The following SMG5 variants were observed in gnomAD, a reference collection of about 807,000 sequenced individuals.
SMG5 encodes the protein nonsense-mediated mRNA decay factor SMG5.
Under a neutral mutation model 122.9 loss-of-function variants are expected in SMG5, and 53 were observed. The ratio of observed to expected loss-of-function variants is 0.43; its 90% confidence interval spans 0.35 to 0.54. The LOEUF (loss-of-function observed/expected upper bound fraction) is 0.54, where lower values mean the gene tolerates loss of function less well. Among genes scored for constraint, SMG5 ranks in the 20% least tolerant of loss-of-function variants. The probability of loss-of-function intolerance (pLI) is 0.01; values close to 1 mark genes in which losing one functional copy is unlikely to be tolerated. For synonymous variants in SMG5, 477 were observed against 490.2 expected (o/e 0.97, Z 0.35); for missense variants, 1,153 against 1,285.6 (o/e 0.90, Z 1.58).
chr1:156,286,449 T>C, upstream of SMG5: 2 of 1,614,190 alleles, frequency 1.2e-6, no homozygotes, highest in Non-Finnish European at 1.7e-6. Context: ...CTCCCTCTGC[T>C]CACTGGTCTC....
At position 156,282,598 on chromosome 1, in the gene SMG5, C is replaced by A; in HGVS notation, c.74+9G>T. ...TCGGTGGCTGCTCTCACGCCCTGGC[C>A]CCTCTCACCGGTAAAGCCGCTTAGT... is the stretch of plus-strand genomic sequence containing the variant. On this transcript the variant is annotated intron_variant, in intron 1 of 21. Coordinates refer to ENST00000361813, the MANE Select transcript of SMG5 (RefSeq NM_015327.3). 1 of 1,606,458 alleles carries A rather than the reference C, an allele frequency of 6.2e-7. No individual in the cohort carries two copies. Among genetic ancestry groups the A allele is most frequent in the Non-Finnish European group, 8.5e-7 (1 of 1,179,058 alleles).
chr1:156,286,272 A>G, upstream of SMG5: 2 of 1,614,180 alleles, frequency 1.2e-6, no homozygotes, highest in South Asian at 2.2e-5. Flanking sequence ...ATCCTGGTGT[A>G]CGGGCTGAGC....
chr1:156,271,236 T>C (rs1282264190), intron 7 of SMG5, among the ~76,000 whole-genome samples: 2 of 152,186 alleles, frequency 1.3e-5, no homozygotes, highest in Non-Finnish European at 2.9e-5. Flanking sequence ...TAGTATTTCA[T>C]TATTTTATAC....
rs935311075 is a variant in SMG5 at position 156,259,068 on chromosome 1, G to A, written c.2379C>T (p.Phe793=). Residue 793 remains phenylalanine, a synonymous_variant, in exon 16 of 22, where the codon TTC becomes TTT. Transcript: ENST00000361813. ...CCTGCTCAGACTGGGCAATGCTGACGAAGATGCCAACCTCTGGGTTGAACT... is the reference window on the plus strand; with the variant it reads ...CCTGCTCAGACTGGGCAATGCTGACAAAGATGCCAACCTCTGGGTTGAACT... The part of the protein sequence containing the change: ...ILQFNPEVGI[F]VSIAQSEQES... The A allele has an allele frequency of 1.2e-6, 2 of 1,613,084 alleles. No individual in the cohort carries two copies. The highest frequency in any genetic ancestry group is 1.1e-5 in the South Asian group (1 of 90,980).
At chr1:156,258,872 T>A in intron 16 of SMG5, 133 bp downstream of exon 16, 5 of 1,047,154 alleles carry the variant, frequency 4.8e-6, no homozygotes, top group Non-Finnish European at 6.6e-6. Context: ...CCTCCCAGCC[T>A]CCCCTCCCCT....
chr1:156,286,453 T>C (rs999929340), upstream of SMG5: 4 of 1,614,060 alleles, frequency 2.5e-6, no homozygotes, highest in Admixed American at 5.0e-5. Flanking sequence ...CTCTGCTCAC[T>C]GGTCTCTTTG....
At chr1:156,251,260 G>C (rs535176395) in intron 20 of SMG5, 143 bp downstream of exon 20, 4 of 1,041,824 alleles carry the variant, frequency 3.8e-6, no homozygotes, top group Non-Finnish European at 3.0e-6. Context: ...CGTACTCCTC[G>C]CAAGGTGAGG....
In SMG5 at chr1:156,250,968, T is replaced by G. The variant is rs576558743; in HGVS notation, c.2857A>C (p.Lys953Gln). Residue 953 changes from lysine to glutamine, a missense_variant, in exon 21 of 22, where the codon AAA becomes CAA. Physicochemically the swap from Lys to Gln is moderately conservative, Grantham distance 53 (BLOSUM62 1). Transcript: ENST00000361813. ...WTLYKILDSCKQLTLAQGAGE... is the reference protein window; with the variant it reads ...WTLYKILDSCQQLTLAQGAGE... ...GCCCCCTGGGCCAGAGTCAGCTGTTTGCAGCTGTCTAGGATCTTATAGAGA... is the reference window on the plus strand; with the variant it reads ...GCCCCCTGGGCCAGAGTCAGCTGTTGGCAGCTGTCTAGGATCTTATAGAGA... 2 of 1,613,988 alleles carry G rather than the reference T, an allele frequency of 1.2e-6. No individual in the cohort carries two copies. Among genetic ancestry groups the G allele is most frequent in the South Asian group, 2.2e-5 (2 of 91,082 alleles).
rs1265217939 is a variant in SMG5 at position 156,265,879 on chromosome 1, G to T, written c.1757C>A (p.Thr586Asn). The change falls in exon 12 of 22, where the codon ACC becomes AAC. Residue 586 changes from threonine (T) to asparagine (N), a missense_variant. Transcript: ENST00000361813. The part of the protein sequence containing the change: ...QTKRCFRLAP[T>N]FSNLLLQPTT... ...GGGCTGGAGGAGCAGGTTGCTAAAGGTGGGGGCCAGTCGGAAGCAGCGCTT... is the reference window on the plus strand; with the variant it reads ...GGGCTGGAGGAGCAGGTTGCTAAAGTTGGGGGCCAGTCGGAAGCAGCGCTT... The T allele has an allele frequency of 7.4e-6, 12 of 1,614,192 alleles. No individual in the cohort carries two copies. The highest frequency in any genetic ancestry group is 1.0e-5 in the Non-Finnish European group (12 of 1,180,026).
At chr1:156,272,276 T>C (rs1373523192) in intron 7 of SMG5, 44 bp downstream of exon 7, 2 of 1,529,032 alleles carry the variant, frequency 1.3e-6, no homozygotes, top group Non-Finnish European at 1.8e-6. Context: ...CAAAATAATA[T>C]GCACACAAAA....
At chr1:156,268,563 C>T in intron 7 of SMG5, 148 bp from the exon 8 acceptor site, 1 of 962,506 alleles carries the variant, frequency 1.0e-6, no homozygotes, top group Non-Finnish European at 1.5e-6. Context: ...GGCTCATGAG[C>T]TATCTTTCCC....
intron 13 of SMG5, 83 bp from the exon 14 acceptor site, chr1:156,261,491 G>A (rs1395203707): frequency 8.6e-7 from 1 of 1,161,446 alleles, no homozygotes; most frequent in Non-Finnish European, 1.3e-6. Context: ...ACCACCCTGA[G>A]GGATCTGGCC....
chr1:156,286,147 C>A (rs1663152591), upstream of SMG5: 1 of 1,367,136 alleles, frequency 7.3e-7, no homozygotes, highest in Non-Finnish European at 1.0e-6. Context: ...ACCACCTCCA[C>A]CCCACTGTGT....
At chr1:156,286,249 A>G (rs1663157341), upstream of SMG5, 2 of 1,611,866 alleles carry the variant, frequency 1.2e-6, no homozygotes, top group South Asian at 2.2e-5. Flanking sequence ...CTGTTTCCCA[A>G]CTCCACCCAG....
chr1:156,250,174 G>T lies in SMG5; in HGVS notation c.*413C>A, dbSNP rs1661281747. The T allele has an allele frequency of 5.7e-6, 2 of 352,270 alleles. No homozygotes were observed. Among genetic ancestry groups the T allele is most frequent in the Non-Finnish European group, 5.6e-6 (1 of 178,062 alleles). The allele number at this position is 352,270 out of a possible 1,614,324, so 21.8% of individuals were successfully genotyped here. On this transcript the variant is annotated 3_prime_UTR_variant, in exon 22 of 22. Transcript: ENST00000361813. ...CAGCTCTTCCCCCAAGACCTAGAGG[G>T]TCCAAACTCCTGGCCCCAACCACCC...
At chr1:156,273,120 C>T (rs1276291320) in intron 6 of SMG5, among the ~76,000 whole-genome samples, 1 of 152,210 alleles carries the variant, frequency 6.6e-6, no homozygotes, top group African/African-American at 2.4e-5. Flanking sequence ...GGAAAGCCAT[C>T]TTCTCTTTTC....
intron 12 of SMG5, among the ~76,000 whole-genome samples, chr1:156,264,044 C>T (rs1468984709): frequency 2.0e-5 from 3 of 151,592 alleles, no homozygotes; most frequent in Non-Finnish European, 2.9e-5. Context: ...CTGAGGTGGG[C>T]GGATCACAAG....
intron 16 of SMG5, among the ~76,000 whole-genome samples, chr1:156,255,103 C>CAAAAT (rs562193073): frequency 1.1e-4 from 17 of 150,662 alleles, no homozygotes; most frequent in South Asian, 2.1e-4. Context: ...AATAAATAAA[C>CAAAAT]AAAATAAAAT....
At chr1:156,285,196 TTG>T (rs775326646), upstream of SMG5, 1 of 1,517,290 alleles carries the variant, frequency 6.6e-7, no homozygotes, top group Non-Finnish European at 8.8e-7. Context: ...TGACATGACC[TTG>T]TGGTAGATCC....
Sources: gnomAD v4.1 joint callset for allele counts (sites outside exome capture counted in the v4.1 genomes callset) on GRCh38, gnomAD v4.1.1 for gene constraint, MANE v1.5 for transcripts, NCBI Gene and HGNC (gene_info 2026-07-23, HGNC 2026-07-21) for gene names.